Variants in DYNC1I2 observed in about 807,000 individuals in gnomAD.
DYNC1I2 encodes the protein dynein cytoplasmic 1 intermediate chain 2, also known as cytoplasmic dynein 1 intermediate chain 2.
In DYNC1I2, 53 loss-of-function variants were observed where a neutral mutation model predicts 88.6. That is an observed-to-expected ratio of 0.60 (90% CI 0.48 to 0.75). The LOEUF is 0.75. Among genes scored for constraint, DYNC1I2 ranks in the 30% least tolerant of loss-of-function variants. DYNC1I2 has a pLI of 0.00. For missense variants in DYNC1I2, 458 were observed against 766.6 expected (o/e 0.60, Z 4.75); for synonymous variants, 198 against 254.6 (o/e 0.78, Z 2.12).
intron 15 of DYNC1I2, among the ~76,000 whole-genome samples, chr2:171,739,104 GAAA>G (rs59094657): frequency 5.2e-5 from 4 of 77,264 alleles, no homozygotes; most frequent in African/African-American, 1.1e-4. Context: ...CAACAAGAGT[GAAA>G]AAAAAAAAAA....
At chr2:171,746,043 G>A in intron 17 of DYNC1I2, 116 bp downstream of exon 17, 1 of 1,077,400 alleles carries the variant, frequency 9.3e-7, no homozygotes, top group Non-Finnish European at 1.3e-6. Context: ...CTATATGGTT[G>A]TAAAGATAAA....
intron 7 of DYNC1I2, 52 bp from the exon 8 acceptor site, chr2:171,725,566 T>C: frequency 8.6e-7 from 1 of 1,159,958 alleles, no homozygotes; most frequent in South Asian, 1.6e-5. Context: ...AAATAATTTA[T>C]TATATCATTC....
At chr2:171,740,361 A>G (rs1275033840) in intron 15 of DYNC1I2, among the ~76,000 whole-genome samples, 1 of 152,218 alleles carries the variant, frequency 6.6e-6, no homozygotes, top group Non-Finnish European at 1.5e-5. Context: ...AAAGTACATG[A>G]TTATGAAGAT....
At chr2:171,733,419 G>A (rs910212809) in intron 15 of DYNC1I2, among the ~76,000 whole-genome samples, 8 of 130,042 alleles carry the variant, frequency 6.2e-5, no homozygotes, top group Admixed American at 4.0e-4. Context: ...CCCACCAACA[G>A]TGTAAAAACG....
chr2:171,703,781 G>T (rs938887640), intron 3 of DYNC1I2, among the ~76,000 whole-genome samples: 2 of 152,096 alleles, frequency 1.3e-5, no homozygotes, highest in African/African-American at 4.8e-5. Context: ...TTAATATTCC[G>T]GGCTAAGAAC....
chr2:171,701,425 C>G (rs1173364855), intron 3 of DYNC1I2, among the ~76,000 whole-genome samples: 1 of 152,196 alleles, frequency 6.6e-6, no homozygotes, highest in Non-Finnish European at 1.5e-5. Context: ...CCACCTGGTC[C>G]TCCCAAAGTG....
At chr2:171,727,680 T>C in intron 11 of DYNC1I2, 141 bp from the exon 12 acceptor site, 2 of 636,912 alleles carry the variant, frequency 3.1e-6, no homozygotes, top group South Asian at 5.1e-5. Context: ...TGAAAACTTT[T>C]AATTAATTTA....
At chr2:171,744,962 T>G (rs568784476) in intron 16 of DYNC1I2, among the ~76,000 whole-genome samples, 10 of 152,212 alleles carry the variant, frequency 6.6e-5, no homozygotes, top group Non-Finnish European at 1.5e-4. Flanking sequence ...TCTGTTTTCT[T>G]AATTTGGATT....
chr2:171,702,212 T>C (rs934592968), intron 3 of DYNC1I2, among the ~76,000 whole-genome samples: 2 of 152,122 alleles, frequency 1.3e-5, no homozygotes, highest in Non-Finnish European at 2.9e-5. Context: ...GATTTAAGAA[T>C]TTAAGTTTCC....
intron 7 of DYNC1I2, among the ~76,000 whole-genome samples, chr2:171,720,898 C>T (rs376470086): frequency 2.0e-5 from 3 of 152,044 alleles, no homozygotes; most frequent in East Asian, 3.9e-4. Context: ...ATCTGAAACC[C>T]TGGCCTCAGA....
intron 2 of DYNC1I2, among the ~76,000 whole-genome samples, chr2:171,692,096 A>G (rs142011589): frequency 3.3e-5 from 5 of 152,336 alleles, no homozygotes; most frequent in African/African-American, 1.2e-4. Flanking sequence ...TACATAAAAA[A>G]AACTTTTCCT....
At chr2:171,713,959 G>A (rs1050722772) in intron 6 of DYNC1I2, among the ~76,000 whole-genome samples, 10 of 151,952 alleles carry the variant, frequency 6.6e-5, no homozygotes, top group Admixed American at 4.6e-4. Context: ...GGAATATTTC[G>A]TTTGTTTAGT....
At chr2:171,718,314 C>G (rs1426081534) in intron 7 of DYNC1I2, among the ~76,000 whole-genome samples, 1 of 152,084 alleles carries the variant, frequency 6.6e-6, no homozygotes, top group Non-Finnish European at 1.5e-5. Context: ...TTTCTAATTA[C>G]TATAGTGGTA....
chr2:171,707,004 A>AG (rs1260240315), intron 4 of DYNC1I2: 3 of 515,892 alleles, frequency 5.8e-6, no homozygotes, highest in African/African-American at 3.9e-5. Flanking sequence ...GTGATGGATG[A>AG]GATGAAGATG....
In DYNC1I2 at chr2:171,749,466, C is replaced by CA. The variant is rs1160859259; in HGVS notation, c.*1581dup. Among the ~76,000 whole-genome samples the CA allele has an allele frequency of 6.6e-6, 1 of 152,018 alleles. No individual in the cohort carries two copies. Among genetic ancestry groups the CA allele is most frequent in the Non-Finnish European group, 1.5e-5 (1 of 67,952 alleles). ...TCTCATTGTAGCAGTGTCTGTGAGT[C>CA]AAAACTTCAATTTTAGTAGAGTCAC... On this transcript the variant is annotated 3_prime_UTR_variant, in exon 18 of 18. Transcript: ENST00000397119.
rs749715821 is a variant in DYNC1I2, at chr2:171,725,659, A to G, written c.553A>G (p.Ile185Val). Residue 185 changes from isoleucine to valine, a missense_variant, in exon 8 of 18, where the codon ATT becomes GTT. By Grantham distance (29) the Ile-to-Val change is conservative (BLOSUM62 3). This residue lies in a region of DYNC1I2 where 203 missense variants were observed against 354.2 expected (regional missense o/e 0.57). Transcript: ENST00000397119. ...DDDVVAPKPP[I>V]EPEEEKTLKK... ...TGATGTAGTGGCTCCTAAACCACCTATTGAACCTGAAGAAGAGAAAACTTT... is the reference window on the plus strand; with the variant it reads ...TGATGTAGTGGCTCCTAAACCACCTGTTGAACCTGAAGAAGAGAAAACTTT... The G allele has an allele frequency of 6.7e-5, 106 of 1,570,930 alleles. 1 individual carries two copies. The highest frequency in any genetic ancestry group is 3.7e-4 in the South Asian group (31 of 83,512).
chr2:171,724,138 A>G (rs1688083495), intron 7 of DYNC1I2, among the ~76,000 whole-genome samples: 1 of 152,210 alleles, frequency 6.6e-6, no homozygotes, highest in African/African-American at 2.4e-5. Flanking sequence ...CAAGTAATGT[A>G]GGATTGGCAT....
chr2:171,737,628 A>T (rs1228663905), intron 15 of DYNC1I2, among the ~76,000 whole-genome samples: 2 of 152,172 alleles, frequency 1.3e-5, no homozygotes, highest in Non-Finnish European at 2.9e-5. Context: ...ATGCTTGGCC[A>T]GGCTGGTCTC....
At chr2:171,691,137 C>A (rs1021333640) in intron 2 of DYNC1I2, among the ~76,000 whole-genome samples, 9 of 152,198 alleles carry the variant, frequency 5.9e-5, no homozygotes, top group African/African-American at 1.9e-4. Context: ...TTGTTCTTAT[C>A]TCTTATGAGT....
Sources: allele counts gnomAD v4.1 joint callset (sites outside exome capture counted in the v4.1 genomes callset), GRCh38; gene constraint gnomAD v4.1.1; regional missense constraint gnomAD v4.1.1; transcripts MANE v1.5; gene names NCBI Gene and HGNC (gene_info 2026-07-23, HGNC 2026-07-21).